CSMD1: variants seen among roughly 807,000 people sequenced by gnomAD.
The protein encoded by CSMD1 is CUB and Sushi multiple domains 1, also known as CUB and sushi domain-containing protein 1.
CSMD1 carries 213 observed loss-of-function variants against 417.5 expected under a neutral mutation model. The observed-to-expected ratio is 0.51, with a 90% CI of 0.46 to 0.57. CSMD1 has a LOEUF of 0.57. Among genes scored for constraint, CSMD1 ranks in the 20% least tolerant of loss-of-function variants. CSMD1 has a pLI of 0.00. For synonymous variants in CSMD1, 2,862 were observed against 1,736.8 expected (o/e 1.65, Z -16.11); for missense variants, 6,923 against 4,529.7 (o/e 1.53, Z -15.17).
At chr8:3,745,257 C>T (rs1372750795) in intron 6 of CSMD1, among the ~76,000 whole-genome samples, 2 of 152,010 alleles carry the variant, frequency 1.3e-5, no homozygotes, top group Non-Finnish European at 2.9e-5. Flanking sequence ...TACAAGGCTC[C>T]CCTGGAGGAG....
intron 6 of CSMD1, among the ~76,000 whole-genome samples, chr8:3,743,595 C>G (rs1414798021): frequency 6.6e-6 from 1 of 152,114 alleles, no homozygotes; most frequent in Non-Finnish European, 1.5e-5. Flanking sequence ...AGGGAAAAGT[C>G]AAGCTGGGAA....
chr8:4,639,946 G>GT (rs1563359673), intron 1 of CSMD1, among the ~76,000 whole-genome samples: 1 of 152,108 alleles, frequency 6.6e-6, no homozygotes. Flanking sequence ...GTTTTGAAAG[G>GT]TTTTTAAAGA....
At chr8:3,499,884 C>T (rs1216567863) in intron 10 of CSMD1, among the ~76,000 whole-genome samples, 1 of 152,106 alleles carries the variant, frequency 6.6e-6, no homozygotes, top group African/African-American at 2.4e-5. Flanking sequence ...CATGCTGCAG[C>T]AGCCTGAGGC....
chr8:3,349,326 C>A (rs886995579), intron 21 of CSMD1, among the ~76,000 whole-genome samples: 8 of 152,196 alleles, frequency 5.3e-5, no homozygotes, highest in Non-Finnish European at 1.2e-4. Context: ...AGCTACATCA[C>A]TGGCCATGAT....
chr8:4,374,961 T>TGGGTGGG (rs1554450668), intron 3 of CSMD1, among the ~76,000 whole-genome samples: 5 of 18,880 alleles, frequency 2.6e-4, no homozygotes, highest in East Asian at 1.9e-3. Context: ...AAAGGTGGGG[T>TGGGTGGG]GGGGGGGGGG....
chr8:4,207,224 C>A (rs891956833), intron 3 of CSMD1, among the ~76,000 whole-genome samples: 2 of 152,086 alleles, frequency 1.3e-5, no homozygotes, highest in Admixed American at 6.6e-5. Flanking sequence ...AGTTGTATAA[C>A]ATGCAAATAT....
At chr8:4,385,111 G>C (rs1210125978) in intron 3 of CSMD1, among the ~76,000 whole-genome samples, 1 of 152,118 alleles carries the variant, frequency 6.6e-6, no homozygotes, top group Non-Finnish European at 1.5e-5. Flanking sequence ...ATTTTTAGAA[G>C]AGACGGTGTT....
chr8:4,137,396 G>C (rs1803504750), intron 3 of CSMD1, among the ~76,000 whole-genome samples: 1 of 134,266 alleles, frequency 7.4e-6, no homozygotes, highest in African/African-American at 2.5e-5. Context: ...ATGAAGAACA[G>C]AAAACAAAAG....
intron 1 of CSMD1, among the ~76,000 whole-genome samples, chr8:4,818,676 A>G (rs1205860857): frequency 2.0e-5 from 3 of 152,216 alleles, no homozygotes; most frequent in African/African-American, 7.2e-5. Context: ...GTATGAATAA[A>G]TTAATAAACA....
At chr8:4,882,689 C>T (rs1322361319) in intron 1 of CSMD1, among the ~76,000 whole-genome samples, 1 of 151,662 alleles carries the variant, frequency 6.6e-6, no homozygotes, top group Non-Finnish European at 1.5e-5. Flanking sequence ...TTTGATGTGC[C>T]GTTTATTTCC....
At chr8:4,833,319 T>C (rs1800261404) in intron 1 of CSMD1, among the ~76,000 whole-genome samples, 1 of 152,118 alleles carries the variant, frequency 6.6e-6, no homozygotes, top group Non-Finnish European at 1.5e-5. Flanking sequence ...CAAGCATGTC[T>C]TCATGTGGCA....
intron 5 of CSMD1, among the ~76,000 whole-genome samples, chr8:3,829,567 C>T (rs1219300342): frequency 1.3e-5 from 2 of 152,146 alleles, no homozygotes; most frequent in African/African-American, 4.8e-5. Flanking sequence ...CTTTTCCCTG[C>T]TGTAACCTCC....
chr8:3,035,828 A>C (rs1408561685), intron 50 of CSMD1, among the ~76,000 whole-genome samples: 1 of 152,288 alleles, frequency 6.6e-6, no homozygotes, highest in South Asian at 2.1e-4. Flanking sequence ...AGTTTACCTT[A>C]TATTTCTTCT....
chr8:4,258,228 A>C (rs1211410395), intron 3 of CSMD1, among the ~76,000 whole-genome samples: 1 of 148,334 alleles, frequency 6.7e-6, no homozygotes, highest in Non-Finnish European at 1.5e-5. Context: ...TAAAGGCATG[A>C]GCCAGCACAC....
intron 3 of CSMD1, among the ~76,000 whole-genome samples, chr8:4,278,148 G>T (rs62478561): frequency 0.11 from 16,869 of 152,144 alleles, 1,088 homozygotes; most frequent in Non-Finnish European, 0.15. Context: ...CCAAAGAGAA[G>T]AATCTATTCT....
At chr8:4,340,308 C>A (rs766205535) in intron 3 of CSMD1, among the ~76,000 whole-genome samples, 1 of 152,054 alleles carries the variant, frequency 6.6e-6, no homozygotes, top group Non-Finnish European at 1.5e-5. Context: ...CAAGGCATCT[C>A]CATCCAAACC....
At chr8:4,061,762 T>C (rs1798984016) in intron 3 of CSMD1, among the ~76,000 whole-genome samples, 3 of 152,336 alleles carry the variant, frequency 2.0e-5, no homozygotes, top group Admixed American at 6.5e-5. Context: ...TCTCTGCATG[T>C]TCAGTACCTA....
intron 1 of CSMD1, among the ~76,000 whole-genome samples, chr8:4,750,137 C>CT (rs1338985942): frequency 6.6e-6 from 1 of 152,166 alleles, no homozygotes; most frequent in Non-Finnish European, 1.5e-5. Context: ...TCCCGAGTAG[C>CT]TGGGACTACA....
chr8:3,800,659 A>C (rs867994457), intron 5 of CSMD1, among the ~76,000 whole-genome samples: 4 of 152,286 alleles, frequency 2.6e-5, no homozygotes, highest in Middle Eastern at 3.4e-3. Flanking sequence ...AACCCTCATG[A>C]ACGGCTTGGT....
Sources: allele counts gnomAD v4.1 joint callset (sites outside exome capture counted in the v4.1 genomes callset), GRCh38; gene constraint gnomAD v4.1.1; transcripts MANE v1.5; gene names NCBI Gene and HGNC (gene_info 2026-07-23, HGNC 2026-07-21).